SAMD4A: variants seen among roughly 807,000 people sequenced by gnomAD.
The protein encoded by SAMD4A is sterile alpha motif domain containing 4A.
SAMD4A carries 33 observed loss-of-function variants against 81.3 expected under a neutral mutation model. The ratio of observed to expected loss-of-function variants is 0.41; its 90% CI spans 0.31 to 0.54. The LOEUF (loss-of-function observed/expected upper bound fraction) is 0.54. Ranked by LOEUF, SAMD4A falls within the 20% of genes least tolerant of loss-of-function variation. The probability of loss-of-function intolerance (pLI) is 0.37; values close to 1 mark genes in which losing one functional copy is unlikely to be tolerated. For missense variants in SAMD4A, 854 were observed against 951.1 expected, an observed-to-expected ratio of 0.90 and a Z score of 1.34; for synonymous variants, 389 against 382.1, an observed-to-expected ratio of 1.02 and a Z score of -0.21.
At chr14:54,655,670 G>A (rs1594776907) in intron 2 of SAMD4A, among the ~76,000 whole-genome samples, 1 of 152,194 alleles carries the variant, frequency 6.6e-6, no homozygotes, top group East Asian at 1.9e-4. Flanking sequence ...TCTGGGAGGT[G>A]GAGGTTGTGA....
At chr14:54,631,194 C>G (rs35586347) in intron 2 of SAMD4A, among the ~76,000 whole-genome samples, 2,905 of 152,246 alleles carry the variant, frequency 0.019, 48 homozygotes, top group Non-Finnish European at 0.031. Flanking sequence ...CCTTTCTGTT[C>G]TGTTCAGGCC....
chr14:54,732,411 C>T (rs946474136), intron 3 of SAMD4A, among the ~76,000 whole-genome samples: 2 of 152,036 alleles, frequency 1.3e-5, no homozygotes, highest in African/African-American at 4.8e-5. Flanking sequence ...CCCACAGCTC[C>T]CAGATTAGGC....
chr14:54,675,367 CAAAAAA>C (rs59110762), intron 2 of SAMD4A, among the ~76,000 whole-genome samples: 5 of 75,390 alleles, frequency 6.6e-5, no homozygotes, highest in African/African-American at 1.4e-4. Context: ...ACTCCGTCTC[CAAAAAA>C]AAAAAAAAAA....
At chr14:54,724,032 G>GGAAGGAAC (rs2037346473) in intron 3 of SAMD4A, among the ~76,000 whole-genome samples, 1 of 151,032 alleles carries the variant, frequency 6.6e-6, no homozygotes, top group Admixed American at 6.6e-5. Context: ...AAGGAAGGAA[G>GGAAGGAAC]GAAGGAAGGA....
intron 2 of SAMD4A, chr14:54,668,989 A>G (rs971532529): frequency 3.9e-5 from 6 of 152,286 alleles, no homozygotes; most frequent in Admixed American, 2.6e-4. Flanking sequence ...TGAACCTCCA[A>G]TCAGTGCCCG....
At chr14:54,779,198 T>C (rs1443595799) in intron 11 of SAMD4A, among the ~76,000 whole-genome samples, 1 of 152,196 alleles carries the variant, frequency 6.6e-6, no homozygotes, top group Non-Finnish European at 1.5e-5. Flanking sequence ...TTCCCGGGGC[T>C]TGTGGCCAGG....
intron 4 of SAMD4A, among the ~76,000 whole-genome samples, chr14:54,740,289 G>A (rs1012617550): frequency 6.6e-6 from 1 of 152,194 alleles, no homozygotes; most frequent in Non-Finnish European, 1.5e-5. Flanking sequence ...TATGACCCAG[G>A]CCCTTTGGCA....
chr14:54,645,793 TC>T (rs2035274661), intron 2 of SAMD4A, among the ~76,000 whole-genome samples: 1 of 152,366 alleles, frequency 6.6e-6, no homozygotes, highest in South Asian at 2.1e-4. Context: ...CTTCTCTGTT[TC>T]CCTCTGAGTT....
At chr14:54,777,675 G>A (rs1015977921) in intron 11 of SAMD4A, among the ~76,000 whole-genome samples, 1 of 151,986 alleles carries the variant, frequency 6.6e-6, no homozygotes, top group African/African-American at 2.4e-5. Context: ...ATGATGGGGT[G>A]GGGGGGTAGG....
chr14:54,697,600 GA>G (rs1457576624), intron 2 of SAMD4A, among the ~76,000 whole-genome samples: 1 of 152,206 alleles, frequency 6.6e-6, no homozygotes, highest in African/African-American at 2.4e-5. Flanking sequence ...GTCCATGCCA[GA>G]ATGGGAATGG....
At position 54,789,040 on chromosome 14, in the gene SAMD4A, C is replaced by A; in HGVS notation, c.*96C>A. On this transcript the variant is annotated 3_prime_UTR_variant, in exon 13 of 13. Coordinates refer to ENST00000554335, the MANE Select transcript of SAMD4A (RefSeq NM_015589.6). Reference sequence around the variant, plus strand: ...GGGTTGCACAGAATCCTCCAAGATACTTTGCAGCCTTTTTTCCCCCTGGTC... The same window carrying A: ...GGGTTGCACAGAATCCTCCAAGATAATTTGCAGCCTTTTTTCCCCCTGGTC... 1 of 1,394,832 alleles carries A rather than the reference C, an allele frequency of 7.2e-7. No homozygotes were observed. The highest frequency in any genetic ancestry group is 1.0e-6 in the Non-Finnish European group (1 of 982,572). 86.4% of individuals were successfully genotyped at this position (1,394,832 alleles called of 1,614,324 possible). A position where few individuals can be genotyped will look rare whatever the true frequency, so the allele number is the denominator to read the frequency against.
At chr14:54,685,895 A>G in intron 2 of SAMD4A, 1 of 455,844 alleles carries the variant, frequency 2.2e-6, no homozygotes, top group Non-Finnish European at 4.4e-6. Context: ...AAAAGAGGGA[A>G]TTGGGATGTT....
chr14:54,590,176 G>T (rs1019653380), intron 2 of SAMD4A, among the ~76,000 whole-genome samples: 14 of 152,174 alleles, frequency 9.2e-5, no homozygotes, highest in African/African-American at 3.4e-4. Context: ...GGTGAAAAGT[G>T]CTATAAGAAA....
At chr14:54,723,995 T>A (rs953751192) in intron 3 of SAMD4A, among the ~76,000 whole-genome samples, 5 of 59,540 alleles carry the variant, frequency 8.4e-5, no homozygotes, top group African/African-American at 1.6e-4. Context: ...AAATATTGGA[T>A]GGATGGATGG....
chr14:54,681,456 G>A (rs1391725284), intron 2 of SAMD4A, among the ~76,000 whole-genome samples: 1 of 152,112 alleles, frequency 6.6e-6, no homozygotes, highest in East Asian at 1.9e-4. Flanking sequence ...TGGAGATGCG[G>A]ACTCGCTCTG....
Position 54,760,373 on chromosome 14 carries a change from C to A in SAMD4A, c.1389C>A (p.Pro463=), listed in dbSNP as rs1266194682. ...GAAATGATAT[P]SAGASGGLQP... The stretch of plus-strand genomic sequence containing the variant: ...CAGCCACTGGCGCCACGGCCACCCC[C>A]TCGGCCGGGGCCAGCGGGGGGCTCC... Residue 463 remains proline (P), a synonymous_variant, in exon 7 of 13, where the codon CCC becomes CCA. Coordinates refer to ENST00000554335, the MANE Select transcript of SAMD4A (RefSeq NM_015589.6). The A allele has an allele frequency of 1.3e-6, 2 of 1,553,518 alleles. No homozygotes were observed. Among genetic ancestry groups the A allele is most frequent in the Admixed American group, 4.1e-5 (2 of 49,074 alleles).
rs921414483 is a variant in SAMD4A at position 54,684,240 on chromosome 14, G to A, written c.197-17822G>A. Among the ~76,000 whole-genome samples the A allele has an allele frequency of 2.6e-5, 4 of 152,162 alleles. No individual in the cohort carries two copies. In the South Asian group the frequency reaches 6.2e-4, roughly 24 times the overall value. On this transcript the variant is annotated intron_variant, in intron 2 of 12. Transcript: ENST00000554335. Reference sequence around the variant, plus strand: ...GCTTGTGCCAATAAATATTTACCGAGTTAGTGACACCTCTAACAGCACCCC... The same window carrying A: ...GCTTGTGCCAATAAATATTTACCGAATTAGTGACACCTCTAACAGCACCCC...
chr14:54,586,484 G>T (rs775546902), intron 2 of SAMD4A, among the ~76,000 whole-genome samples: 1 of 152,116 alleles, frequency 6.6e-6, no homozygotes, highest in African/African-American at 2.4e-5. Context: ...TTGGGTTCTT[G>T]ATCATGACGT....
intron 2 of SAMD4A, among the ~76,000 whole-genome samples, chr14:54,696,667 T>G (rs1009190980): frequency 1.3e-5 from 2 of 152,238 alleles, no homozygotes; most frequent in African/African-American, 4.8e-5. Context: ...TTAAACACAC[T>G]CTTTGTCACT....
Sources: gnomAD v4.1 joint callset for allele counts (sites outside exome capture counted in the v4.1 genomes callset) on GRCh38, gnomAD v4.1.1 for gene constraint, MANE v1.5 for transcripts, NCBI Gene and HGNC (gene_info 2026-07-23, HGNC 2026-07-21) for gene names.